Variants in LINGO1 observed in about 807,000 individuals in gnomAD.
The protein encoded by LINGO1 is leucine rich repeat and Ig domain containing 1.
Under a neutral mutation model 37.3 loss-of-function variants are expected in LINGO1, and 11 were observed. The observed-to-expected ratio is 0.29, with a 90% CI of 0.19 to 0.49. LINGO1 has a LOEUF of 0.49. LINGO1 is among the 20% of genes least tolerant of loss of function. The pLI is 0.99. For missense variants in LINGO1, 585 were observed against 878.2 expected (o/e 0.67, Z 4.22); for synonymous variants, 387 against 403.0 (o/e 0.96, Z 0.48).
chr15:77,774,194 A>G (rs2141408872), intron 1 of LINGO1, among the ~76,000 whole-genome samples: 1 of 152,112 alleles, frequency 6.6e-6, no homozygotes, highest in African/African-American at 2.4e-5. Context: ...GTGAGTGTGC[A>G]CGGAGGAAGT....
At chr15:77,775,301 C>T (rs1399364601) in intron 1 of LINGO1, among the ~76,000 whole-genome samples, 1 of 152,186 alleles carries the variant, frequency 6.6e-6, no homozygotes, top group Non-Finnish European at 1.5e-5. Flanking sequence ...CTCTGCCCTA[C>T]AGCAGTGGGT....
chr15:77,687,845 C>T (rs984214586), intron 2 of LINGO1, among the ~76,000 whole-genome samples: 3 of 152,236 alleles, frequency 2.0e-5, no homozygotes, highest in African/African-American at 7.2e-5. Context: ...CGTCACAGGG[C>T]CTGAAATCTC....
chr15:77,807,560 T>G lies in LINGO1; in HGVS notation c.-457-11507A>C, dbSNP rs149252853. Among the ~76,000 whole-genome samples, 187 of 152,268 alleles carry G rather than the reference T, an allele frequency of 1.2e-3. 1 individual carries two copies. The highest frequency in any genetic ancestry group is 2.4e-3 in the Non-Finnish European group (160 of 68,020). On this transcript the variant is annotated intron_variant, in intron 1 of 5. Transcript: ENST00000562933. ...GAGGCGCAAAGAGGCAAAAATGCCCTTTTCATGGGTGTTCCTGCCTCCCTG... is the reference window on the plus strand; with the variant it reads ...GAGGCGCAAAGAGGCAAAAATGCCCGTTTCATGGGTGTTCCTGCCTCCCTG...
intron 1 of LINGO1, among the ~76,000 whole-genome samples, chr15:77,746,207 CAAAAAAAAAAA>C (rs34220013): frequency 1.3e-5 from 1 of 75,614 alleles, no homozygotes; most frequent in Non-Finnish European, 3.0e-5. Context: ...GACCCTGTCT[CAAAAAAAAAAA>C]AAAAAAAAAA....
At chr15:77,700,752 C>A (rs761602019), upstream of LINGO1, among the ~76,000 whole-genome samples, 2 of 152,214 alleles carry the variant, frequency 1.3e-5, no homozygotes, top group Non-Finnish European at 2.9e-5. Flanking sequence ...AGGGAATCTT[C>A]CAGAACCAAG....
intron 2 of LINGO1, among the ~76,000 whole-genome samples, chr15:77,723,886 G>A (rs977858653): frequency 3.3e-5 from 5 of 152,168 alleles, no homozygotes; most frequent in African/African-American, 1.2e-4. Flanking sequence ...CGGGGCGCGG[G>A]GGCGGGAGGC....
At chr15:77,751,274 TG>T (rs1332482320) in intron 1 of LINGO1, among the ~76,000 whole-genome samples, 1 of 152,232 alleles carries the variant, frequency 6.6e-6, no homozygotes, top group Non-Finnish European at 1.5e-5. Flanking sequence ...AGTAAGGGAA[TG>T]ATCCTTGCAG....
At chr15:77,720,898 C>A (rs2076042895) in intron 2 of LINGO1, 1 of 152,222 alleles carries the variant, frequency 6.6e-6, no homozygotes, top group African/African-American at 2.4e-5. Context: ...AGCCTCCCCG[C>A]CTCCCTCATC....
intron 1 of LINGO1, among the ~76,000 whole-genome samples, chr15:77,749,626 C>T (rs1363784823): frequency 6.6e-6 from 1 of 152,230 alleles, no homozygotes; most frequent in Non-Finnish European, 1.5e-5. Flanking sequence ...TCCCCTTTGC[C>T]CACTCCCACG....
At chr15:77,802,172 T>C (rs972732342) in intron 1 of LINGO1, among the ~76,000 whole-genome samples, 3 of 152,032 alleles carry the variant, frequency 2.0e-5, no homozygotes, top group African/African-American at 4.8e-5. Flanking sequence ...TGCAGGTATG[T>C]GGTGCTTACA....
At chr15:77,785,405 A>G (rs1027920407) in intron 1 of LINGO1, among the ~76,000 whole-genome samples, 13 of 152,152 alleles carry the variant, frequency 8.5e-5, no homozygotes, top group Non-Finnish European at 1.6e-4. Flanking sequence ...GCACTTCCCA[A>G]CTGAGGCCCT....
intron 1 of LINGO1, among the ~76,000 whole-genome samples, chr15:77,695,236 C>T (rs1404034352): frequency 1.3e-5 from 2 of 152,066 alleles, no homozygotes; most frequent in African/African-American, 4.8e-5. Flanking sequence ...CCTGCTGCCT[C>T]GTGGAAGTGC....
upstream of LINGO1, among the ~76,000 whole-genome samples, chr15:77,635,873 C>T (rs1185700548): frequency 6.6e-6 from 1 of 152,216 alleles, no homozygotes; most frequent in Admixed American, 6.5e-5. Flanking sequence ...TCAGCAAGTC[C>T]CAATAAAGCA....
rs187303108 is a variant in LINGO1 at position 77,802,301 on chromosome 15, G to A, written c.-457-6248C>T. On this transcript the variant is annotated intron_variant, in intron 1 of 5. Transcript: ENST00000562933. ...TGTGTGTATGTGTGTTGTCACTCTC[G>A]GGGATGACAGCAAAGAGACAGCATG... 3.9e-5 allele frequency among the ~76,000 whole-genome samples: 6 copies of A among 152,236 alleles called. No individual in the cohort carries two copies. In the East Asian group the frequency reaches 7.7e-4, roughly 20 times the overall value.
At chr15:77,724,578 C>A (rs1355247949) in intron 2 of LINGO1, among the ~76,000 whole-genome samples, 1 of 152,242 alleles carries the variant, frequency 6.6e-6, no homozygotes, top group Non-Finnish European at 1.5e-5. Context: ...CTAGTTTCAA[C>A]CTCGCCTCTC....
intron 2 of LINGO1, among the ~76,000 whole-genome samples, chr15:77,712,813 A>C (rs1404962857): frequency 6.6e-6 from 1 of 152,156 alleles, no homozygotes; most frequent in Non-Finnish European, 1.5e-5. Flanking sequence ...CTGCCTGATG[A>C]GGGGTCTCGC....
chr15:77,783,914 C>A (rs1351731039), intron 1 of LINGO1, among the ~76,000 whole-genome samples: 1 of 152,188 alleles, frequency 6.6e-6, no homozygotes, highest in African/African-American at 2.4e-5. Flanking sequence ...CAGTGGTGTT[C>A]ATTTATGTTC....
intron 2 of LINGO1, among the ~76,000 whole-genome samples, chr15:77,716,061 A>G (rs2075980558): frequency 6.6e-6 from 1 of 152,200 alleles, no homozygotes; most frequent in East Asian, 1.9e-4. Context: ...CAGCTCATTC[A>G]ACCTGCACAA....
At chr15:77,718,195 C>T (rs1410198713) in intron 2 of LINGO1, among the ~76,000 whole-genome samples, 1 of 148,812 alleles carries the variant, frequency 6.7e-6, no homozygotes, top group Admixed American at 6.7e-5. Context: ...CTTGCCGTGG[C>T]CCTCAGCTTC....
Sources: allele counts gnomAD v4.1 joint callset (sites outside exome capture counted in the v4.1 genomes callset), GRCh38; gene constraint gnomAD v4.1.1; transcripts MANE v1.5; gene names NCBI Gene and HGNC (gene_info 2026-07-23, HGNC 2026-07-21).